The following PDCD6IP variants were observed in gnomAD, a reference collection of about 807,000 sequenced individuals.
PDCD6IP encodes the protein programmed cell death 6-interacting protein.
A neutral mutation model predicts 103.7 loss-of-function variants in PDCD6IP; 43 were observed. The observed-to-expected ratio is 0.41, with a 90% CI of 0.32 to 0.53. The LOEUF (loss-of-function observed/expected upper bound fraction) is 0.53, where lower values mean the gene tolerates loss of function less well. PDCD6IP is among the 20% of genes least tolerant of loss of function. PDCD6IP has a pLI of 0.16. For missense variants in PDCD6IP, 871 were observed against 1,036.7 expected (o/e 0.84, Z 2.20); for synonymous variants, 354 against 378.7 (o/e 0.93, Z 0.76).
At chr3:33,843,646 G>T (rs1475270070) in intron 10 of PDCD6IP, among the ~76,000 whole-genome samples, 4 of 152,066 alleles carry the variant, frequency 2.6e-5, no homozygotes, top group Non-Finnish European at 5.9e-5. Context: ...ATTTCCTTGT[G>T]TTTCTGGCCC....
intron 7 of PDCD6IP, among the ~76,000 whole-genome samples, chr3:33,832,285 A>C (rs1397173232): frequency 6.6e-6 from 1 of 152,090 alleles, no homozygotes; most frequent in Non-Finnish European, 1.5e-5. Flanking sequence ...CTAATCCCCT[A>C]TGAGGCCCCA....
intron 6 of PDCD6IP, 28 bp downstream of exon 6, chr3:33,826,608 C>G: frequency 3.1e-6 from 5 of 1,609,110 alleles, no homozygotes; most frequent in Non-Finnish European, 4.2e-6. Context: ...TAAACACTTG[C>G]TTACTTTGCA....
intron 3 of PDCD6IP, among the ~76,000 whole-genome samples, chr3:33,817,376 G>A (rs2125550443): frequency 6.6e-6 from 1 of 152,240 alleles, no homozygotes; most frequent in Middle Eastern, 3.4e-3. Flanking sequence ...TGAGATGTTG[G>A]GTGATTTTTA....
intron 1 of PDCD6IP, among the ~76,000 whole-genome samples, chr3:33,802,263 C>T (rs1009401550): frequency 3.9e-5 from 6 of 152,144 alleles, no homozygotes; most frequent in African/African-American, 1.4e-4. Flanking sequence ...TGTTCCACAA[C>T]ACCCTGCCTA....
rs199587691 is a variant in PDCD6IP, at chr3:33,836,029, C to A, written c.835-15C>A. The A allele has an allele frequency of 9.1e-6, 12 of 1,324,998 alleles. No individual in the cohort carries two copies. The highest frequency in any genetic ancestry group is 5.8e-5 in the South Asian group (4 of 69,426). 82.1% of individuals were successfully genotyped at this position (1,324,998 alleles called of 1,614,324 possible). On this transcript the variant is annotated splice_polypyrimidine_tract_variant and intron_variant, in intron 7 of 17. Transcript: ENST00000307296. ...CCCTCTTTTTTTTTTTTGTTGTTGA[C>A]GTTTTTCTTTTTAGCATGCAGCAGA...
At chr3:33,862,522 G>A (rs910979233) in intron 15 of PDCD6IP, among the ~76,000 whole-genome samples, 1 of 152,108 alleles carries the variant, frequency 6.6e-6, no homozygotes, top group Non-Finnish European at 1.5e-5. Context: ...TCAATTTACT[G>A]TTAGAGGAGA....
At chr3:33,809,752 TCTC>T (rs1358138170) in intron 1 of PDCD6IP, among the ~76,000 whole-genome samples, 1 of 152,250 alleles carries the variant, frequency 6.6e-6, no homozygotes, top group Non-Finnish European at 1.5e-5. Flanking sequence ...GTCTCTTTAA[TCTC>T]CTTCAATCTG....
chr3:33,835,138 C>T, intron 7 of PDCD6IP: 1 of 442,330 alleles, frequency 2.3e-6, no homozygotes, highest in South Asian at 1.6e-5. Context: ...TATCTAATAC[C>T]ACCTAAATTT....
At chr3:33,807,558 T>C (rs201980364) in intron 1 of PDCD6IP, among the ~76,000 whole-genome samples, 1 of 103,490 alleles carries the variant, frequency 9.7e-6, no homozygotes, top group Non-Finnish European at 2.1e-5. Flanking sequence ...TACGGCCCCC[T>C]GGGGCAGGTG....
At chr3:33,859,588 G>C (rs1340697857) in intron 15 of PDCD6IP, among the ~76,000 whole-genome samples, 1 of 152,074 alleles carries the variant, frequency 6.6e-6, no homozygotes, top group Non-Finnish European at 1.5e-5. Flanking sequence ...GAAAAAAAAT[G>C]AATACCCTCA....
chr3:33,812,187 A>G lies in PDCD6IP; in HGVS notation c.264+61A>G. The G allele has an allele frequency of 1.9e-6, 3 of 1,556,192 alleles. No individual in the cohort carries two copies. The South Asian group carries it at 3.6e-5, about 19-fold the overall frequency. On this transcript the variant is annotated intron_variant, in intron 2 of 17. Transcript: ENST00000307296. Reference sequence around the variant, plus strand: ...ATAGCACCCATTTCCTTCTGCCAATATCTTCACTGTCTTTAGAGTTTTATG... The same window carrying G: ...ATAGCACCCATTTCCTTCTGCCAATGTCTTCACTGTCTTTAGAGTTTTATG...
chr3:33,812,167 A>G (rs751630944), intron 2 of PDCD6IP, 41 bp downstream of exon 2: 3 of 1,572,488 alleles, frequency 1.9e-6, no homozygotes, highest in Non-Finnish European at 2.6e-6. Context: ...TGGTAATAGC[A>G]CCCATTTCCT....
At chr3:33,849,945 A>G (rs1304426325) in intron 12 of PDCD6IP, among the ~76,000 whole-genome samples, 2 of 152,166 alleles carry the variant, frequency 1.3e-5, no homozygotes, top group Non-Finnish European at 2.9e-5. Context: ...TTCCCCAGAA[A>G]GTTAGAATTA....
chr3:33,844,512 G>A (rs1224879877), intron 11 of PDCD6IP, among the ~76,000 whole-genome samples: 1 of 151,910 alleles, frequency 6.6e-6, no homozygotes. Flanking sequence ...ACAAGGTCTC[G>A]CTGTGTCACT....
chr3:33,811,965 C>T (rs1187670208), intron 1 of PDCD6IP, 107 bp from the exon 2 acceptor site: 1 of 1,373,864 alleles, frequency 7.3e-7, no homozygotes, highest in African/African-American at 1.5e-5. Flanking sequence ...AAAATAGCTG[C>T]TCAAAGTAAG....
rs765972394 is a variant in PDCD6IP at position 33,866,365 on chromosome 3, C to A, written c.2447C>A (p.Pro816His). The change falls in exon 18 of 18, where the codon CCC becomes CAC. Residue 816 changes from proline to histidine, a missense_variant. Physicochemically the swap from Pro to His is moderately conservative, Grantham distance 77. Coordinates refer to ENST00000307296, the MANE Select transcript of PDCD6IP (RefSeq NM_013374.6). ...YPGYPGYCQM[P>H]MPMGYNPYAY... ...TCTTCTATCAGGTATTGCCAAATGC[C>A]CATGCCCATGGGCTATAATCCTTAT... 1.3e-6 allele frequency: 2 copies of A among 1,554,790 alleles called. No individual in the cohort carries two copies. The highest frequency in any genetic ancestry group is 1.7e-6 in the Non-Finnish European group (2 of 1,153,606).
intron 4 of PDCD6IP, 150 bp downstream of exon 4, chr3:33,822,232 A>G: frequency 1.2e-6 from 1 of 804,978 alleles, no homozygotes. Flanking sequence ...CTTACTGTTA[A>G]AGCCCTTAGA....
chr3:33,822,405 TTACC>T (rs150672710), intron 4 of PDCD6IP, among the ~76,000 whole-genome samples: 3 of 152,302 alleles, frequency 2.0e-5, no homozygotes, highest in Admixed American at 6.5e-5. Context: ...TTTAAATAAA[TTACC>T]TAATTAAAAA....
chr3:33,829,715 A>G (rs576912077), intron 7 of PDCD6IP, among the ~76,000 whole-genome samples: 1 of 152,268 alleles, frequency 6.6e-6, no homozygotes, highest in African/African-American at 2.4e-5. Flanking sequence ...GGAAGTTTAA[A>G]TATGTACTGA....
Sources: allele counts gnomAD v4.1 joint callset (sites outside exome capture counted in the v4.1 genomes callset), GRCh38; gene constraint gnomAD v4.1.1; transcripts MANE v1.5; gene names NCBI Gene and HGNC (gene_info 2026-07-23, HGNC 2026-07-21).